ZKSCAN5: variants seen among roughly 807,000 people sequenced by gnomAD.
The protein encoded by ZKSCAN5 is zinc finger protein with KRAB and SCAN domains 5.
A neutral mutation model predicts 60.0 loss-of-function variants in ZKSCAN5; 28 were observed. The observed-to-expected ratio is 0.47, with a 90% CI of 0.35 to 0.64. The LOEUF (loss-of-function observed/expected upper bound fraction) is 0.64, where lower values mean the gene tolerates loss of function less well. Among genes scored for constraint, ZKSCAN5 ranks in the 30% least tolerant of loss-of-function variants. The pLI, the probability that ZKSCAN5 is intolerant of heterozygous loss-of-function variation, is 0.01. For synonymous variants in ZKSCAN5, 361 were observed against 371.2 expected, an observed-to-expected ratio of 0.97 and a Z score of 0.31; for missense variants, 881 against 1,034.6, an observed-to-expected ratio of 0.85 and a Z score of 2.04.
chr7:99,533,139 A>C lies in ZKSCAN5; in HGVS notation c.*890A>C. The stretch of plus-strand genomic sequence containing the variant: ...AAGGCGAATTACGAGTCCTGGTCCC[A>C]GCAGTATGTGTGCTGACTTCTGGGT... On this transcript the variant is annotated 3_prime_UTR_variant, in exon 7 of 7. Transcript: ENST00000326775. 1 of 478,604 alleles carries C rather than the reference A, an allele frequency of 2.1e-6. No individual in the cohort carries two copies. The highest frequency in any genetic ancestry group is 1.7e-5 in the South Asian group (1 of 60,026). The allele number at this position is 478,604 out of a possible 1,614,324, so 29.6% of individuals were successfully genotyped here.
rs1802127053 is a variant in ZKSCAN5, at chr7:99,533,123, T to TA, written c.*875dup. 2.3e-6 allele frequency: 1 copy of TA among 425,666 alleles called. No individual in the cohort carries two copies. The highest frequency in any genetic ancestry group is 2.0e-5 in the African/African-American group (1 of 50,432). The allele number at this position is 425,666 out of a possible 1,614,324, so 26.4% of individuals were successfully genotyped here. ...TAGAAGGAGTTGGACCAAGGCGAATTACGAGTCCTGGTCCCAGCAGTATGT... is the reference window on the plus strand; with the variant it reads ...TAGAAGGAGTTGGACCAAGGCGAATTAACGAGTCCTGGTCCCAGCAGTATGT... On this transcript the variant is annotated 3_prime_UTR_variant, in exon 7 of 7. Coordinates refer to ENST00000326775, the MANE Select transcript of ZKSCAN5 (RefSeq NM_145102.4).
intron 3 of ZKSCAN5, 77 bp downstream of exon 3, chr7:99,512,668 G>T: frequency 6.5e-7 from 1 of 1,530,078 alleles, no homozygotes; most frequent in South Asian, 1.2e-5. Context: ...ACTATCTGCG[G>T]GAGAGAGACT....
At position 99,532,617 on chromosome 7, in the gene ZKSCAN5, G is replaced by C. The variant is rs1178807195; in HGVS notation, c.*368G>C. The C allele has an allele frequency of 5.5e-6, 1 of 180,982 alleles. No individual in the cohort carries two copies. The highest frequency in any genetic ancestry group is 5.6e-5 in the Admixed American group (1 of 17,730). The allele number at this position is 180,982 out of a possible 1,614,324, so 11.2% of individuals were successfully genotyped here. A position where few individuals can be genotyped will look rare whatever the true frequency, so the allele number is the denominator to read the frequency against. On this transcript the variant is annotated 3_prime_UTR_variant, in exon 7 of 7. Coordinates refer to ENST00000326775, the MANE Select transcript of ZKSCAN5 (RefSeq NM_145102.4). ...TCAGTAGAAGTAAGCTTTATTTGTA[G>C]CTTCTGCCTTGTTTGACGGCGTATC... is the stretch of plus-strand genomic sequence containing the variant.
chr7:99,522,184 C>T (rs1801565503), intron 5 of ZKSCAN5, among the ~76,000 whole-genome samples: 1 of 152,166 alleles, frequency 6.6e-6, no homozygotes, highest in Non-Finnish European at 1.5e-5. Flanking sequence ...ATTCTTTTCA[C>T]ATCTGCGGAT....
Position 99,531,306 on chromosome 7 carries a change from C to A in ZKSCAN5, c.1577C>A (p.Ser526Tyr). The A allele has an allele frequency of 6.2e-7, 1 of 1,614,192 alleles. No individual in the cohort carries two copies. Among genetic ancestry groups the A allele is most frequent in the African/African-American group, 1.3e-5 (1 of 75,048 alleles). ...ATGAAAGAGATACTAGGACAACCAT[C>A]TTCAAAGAGGATGAACTACAGTGAA... ...IPMKEILGQP[S>Y]SKRMNYSEVP... Residue 526 changes from serine to tyrosine, a missense_variant, in exon 7 of 7, where the codon TCT becomes TAT. Ser to Tyr is a moderately radical substitution (Grantham distance 144). Coordinates refer to ENST00000326775, the MANE Select transcript of ZKSCAN5 (RefSeq NM_145102.4).
chr7:99,510,195 A>G (rs1438226162), intron 2 of ZKSCAN5, among the ~76,000 whole-genome samples: 2 of 151,524 alleles, frequency 1.3e-5, no homozygotes, highest in Non-Finnish European at 2.9e-5. Context: ...TGGCCTCCCA[A>G]GGTGCTGGGG....
chr7:99,530,914 G>C (rs1802011545), intron 6 of ZKSCAN5, among the ~76,000 whole-genome samples, 194 bp from the exon 7 acceptor site: 1 of 152,044 alleles, frequency 6.6e-6, no homozygotes, highest in Non-Finnish European at 1.5e-5. Flanking sequence ...AAAATTAGCT[G>C]GGTGTGGTCA....
In ZKSCAN5 at chr7:99,525,823, C is replaced by G; in HGVS notation, c.783C>G (p.Ser261=). The G allele has an allele frequency of 1.2e-6, 2 of 1,608,390 alleles. No homozygotes were observed. Among genetic ancestry groups the G allele is most frequent in the Non-Finnish European group, 1.7e-6 (2 of 1,175,744 alleles). ...CCTCTGTTATTTCAGGTTATGAGTC[C>G]AGGGACAATATGGAGCTCATAGTGA... ...YGSITSMGYE[S]RDNMELIVKQ... is the part of the protein sequence containing the mutation. The change falls in exon 6 of 7, where the codon TCC becomes TCG. Residue 261 remains serine (S), a synonymous_variant. Transcript: ENST00000326775.
At position 99,532,270 on chromosome 7, in the gene ZKSCAN5, A is replaced by G; in HGVS notation, c.*21A>G. 6.5e-7 allele frequency: 1 copy of G among 1,532,362 alleles called. No homozygotes were observed. The highest frequency in any genetic ancestry group is 8.7e-7 in the Non-Finnish European group (1 of 1,146,158). 94.9% of individuals were successfully genotyped at this position (1,532,362 alleles called of 1,614,324 possible). A position where few individuals can be genotyped will look rare whatever the true frequency, so the allele number is the denominator to read the frequency against. ...TGTAGAATAGCTCTTAATTTTAGAG[A>G]AACCTTCCTGGAGGGAAACCATACT... On this transcript the variant is annotated 3_prime_UTR_variant, in exon 7 of 7. Coordinates refer to ENST00000326775, the MANE Select transcript of ZKSCAN5 (RefSeq NM_145102.4).
At chr7:99,520,075 TC>T (rs1801458709) in intron 4 of ZKSCAN5, 93 bp from the exon 5 acceptor site, 1 of 1,537,130 alleles carries the variant, frequency 6.5e-7, no homozygotes, top group Non-Finnish European at 8.9e-7. Context: ...GCACAGTTCC[TC>T]CCCCTGTTTC....
chr7:99,532,008 C>A lies in ZKSCAN5; in HGVS notation c.2279C>A (p.Thr760Asn). ...CRENVGQCSH[T>N]KQHQKIYSST... ...GAAAATGTTGGCCAGTGTTCCCACA[C>A]CAAACAACATCAAAAAATCTACTCC... Residue 760 changes from threonine (T) to asparagine (N), a missense_variant, in exon 7 of 7, where the codon ACC becomes AAC. By Grantham distance (65) the Thr-to-Asn change is moderately conservative. Around this residue, in one of 5 missense-constraint regions of ZKSCAN5, gnomAD observed 138 missense variants for 143.8 expected, o/e 0.96. Coordinates refer to ENST00000326775, the MANE Select transcript of ZKSCAN5 (RefSeq NM_145102.4). 1 of 1,614,148 alleles carries A rather than the reference C, an allele frequency of 6.2e-7. No individual in the cohort carries two copies. The highest frequency in any genetic ancestry group is 8.5e-7 in the Non-Finnish European group (1 of 1,180,028).
rs1446919675 is a variant in ZKSCAN5, at chr7:99,505,994, A to T, written c.-40-11A>T. The T allele has an allele frequency of 6.3e-7, 1 of 1,577,796 alleles. No homozygotes were observed. The highest frequency in any genetic ancestry group is 8.6e-7 in the Non-Finnish European group (1 of 1,160,682). ...AGAAGATATTAAAGAGCAGAAAAACAATTGTTTCAGTGTAACACAGCCAGC... is the reference window on the plus strand; with the variant it reads ...AGAAGATATTAAAGAGCAGAAAAACTATTGTTTCAGTGTAACACAGCCAGC... On this transcript the variant is annotated splice_polypyrimidine_tract_variant and intron_variant, in intron 1 of 6. Coordinates refer to ENST00000326775, the MANE Select transcript of ZKSCAN5 (RefSeq NM_145102.4).
intron 2 of ZKSCAN5, among the ~76,000 whole-genome samples, chr7:99,507,043 A>T (rs943446017): frequency 1.3e-5 from 2 of 152,116 alleles, no homozygotes; most frequent in African/African-American, 4.8e-5. Context: ...AAAGAGGTAC[A>T]TAAGGTTGTA....
intron 6 of ZKSCAN5, 56 bp from the exon 7 acceptor site, chr7:99,531,052 A>G (rs1434869232): frequency 1.2e-5 from 18 of 1,470,216 alleles, no homozygotes; most frequent in Non-Finnish European, 1.6e-5. Flanking sequence ...GCAAGACCCC[A>G]TCTCAAAAAA....
In ZKSCAN5 at chr7:99,504,668, C is replaced by G. The variant is rs1332183657; in HGVS notation, c.-106C>G. ...GAGATGTAGTTCCGGGAACAGCTGG[C>G]CCCTGCGACTCGCGGGTGTGACGTT... On this transcript the variant is annotated 5_prime_UTR_variant, in exon 1 of 7. Coordinates refer to ENST00000326775, the MANE Select transcript of ZKSCAN5 (RefSeq NM_145102.4). 2 of 152,270 alleles carry G rather than the reference C, an allele frequency of 1.3e-5. No individual in the cohort carries two copies. The highest frequency in any genetic ancestry group is 4.8e-5 in the African/African-American group (2 of 41,460). The allele number at this position is 152,270 out of a possible 1,614,324, so 9.4% of individuals were successfully genotyped here. A position where few individuals can be genotyped will look rare whatever the true frequency, so the allele number is the denominator to read the frequency against.
At chr7:99,523,551 A>G (rs1801640063) in intron 5 of ZKSCAN5, among the ~76,000 whole-genome samples, 1 of 152,184 alleles carries the variant, frequency 6.6e-6, no homozygotes, top group Non-Finnish European at 1.5e-5. Flanking sequence ...AGTAACAGTA[A>G]GCTGTGATTG....
rs560847044 is a variant in ZKSCAN5 at position 99,533,079 on chromosome 7, A to C, written c.*830A>C. On this transcript the variant is annotated 3_prime_UTR_variant, in exon 7 of 7. Transcript: ENST00000326775. ...GTTTGATCTTGTATTACCCACAGGA[A>C]TGAGGGCAGCTAAACCCATAGAAGG... 4.8e-5 allele frequency: 15 copies of C among 313,010 alleles called. No homozygotes were observed. Among genetic ancestry groups the C allele is most frequent in the African/African-American group, 3.2e-4 (15 of 47,342 alleles). The allele number at this position is 313,010 out of a possible 1,614,324, so 19.4% of individuals were successfully genotyped here.
In ZKSCAN5 at chr7:99,531,966, A is replaced by C. The variant is rs773998445; in HGVS notation, c.2237A>C (p.Gln746Pro). 1 of 1,614,210 alleles carries C rather than the reference A, an allele frequency of 6.2e-7. No individual in the cohort carries two copies. Among genetic ancestry groups the C allele is most frequent in the Non-Finnish European group, 8.5e-7 (1 of 1,180,038 alleles). The change falls in exon 7 of 7, where the codon CAA becomes CCA. Residue 746 changes from glutamine (Q) to proline (P), a missense_variant. Coordinates refer to ENST00000326775, the MANE Select transcript of ZKSCAN5 (RefSeq NM_145102.4). ...ACTCATACAGCAGAGAAGCCCTATC[A>C]ATGTGATATATGTAGAGAAAATGTT... ...YRTHTAEKPY[Q>P]CDICRENVGQ...
chr7:99,509,744 G>A (rs981226507), intron 2 of ZKSCAN5, among the ~76,000 whole-genome samples: 16 of 152,188 alleles, frequency 1.1e-4, no homozygotes, highest in Non-Finnish European at 2.1e-4. Context: ...GGGATTACAG[G>A]TGTAAGCCAC....
Sources: allele counts gnomAD v4.1 joint callset (sites outside exome capture counted in the v4.1 genomes callset), GRCh38; gene constraint gnomAD v4.1.1; regional missense constraint gnomAD v4.1.1; transcripts MANE v1.5; gene names NCBI Gene and HGNC (gene_info 2026-07-23, HGNC 2026-07-21).